Variants in MSANTD5 observed in about 807,000 individuals in gnomAD.
MSANTD5 encodes uncharacterized protein MSANTD5.
At chr5:178,699,937 TTC>T (rs1765458788), upstream of MSANTD5, among the ~76,000 whole-genome samples, 11 of 146,868 alleles carry the variant, frequency 7.5e-5, no homozygotes, top group South Asian at 2.1e-4. Flanking sequence ...TTCTGTGGCT[TTC>T]CAGCACAGAC....
At chr5:178,702,301 C>CTTTT (rs372575693), upstream of MSANTD5, among the ~76,000 whole-genome samples, 3 of 133,370 alleles carry the variant, frequency 2.2e-5, no homozygotes, top group Non-Finnish European at 1.6e-5. Context: ...CTTTTTTTTT[C>CTTTT]TTTTTTTTTT....
At chr5:178,699,808 CT>C (rs1341421564), upstream of MSANTD5, among the ~76,000 whole-genome samples, 1 of 74,942 alleles carries the variant, frequency 1.3e-5, no homozygotes, top group African/African-American at 3.6e-5. Context: ...TGGACAACAG[CT>C]GTTGCATTCT....
At chr5:178,695,528 A>T (rs2113852777) in exon 3 of MSANTD5, 1 of 152,166 alleles carries the variant, frequency 6.6e-6, no homozygotes, top group South Asian at 2.1e-4. Flanking sequence ...TGTACACCTC[A>T]CGTTCAAGAA....
upstream of MSANTD5, among the ~76,000 whole-genome samples, chr5:178,699,282 A>C (rs572814624): frequency 6.6e-6 from 1 of 151,962 alleles, no homozygotes; most frequent in South Asian, 2.1e-4. Context: ...CTCCCATTCA[A>C]CTCATCTTCA....
chr5:178,705,660 A>G, the MSANTD5 span, among the ~76,000 whole-genome samples: 1 of 151,946 alleles, frequency 6.6e-6, no homozygotes, highest in South Asian at 2.1e-4. Context: ...CAACTGCAAA[A>G]TAGGAGGTTG....
At chr5:178,706,516 T>C in the MSANTD5 span, among the ~76,000 whole-genome samples, 3 of 151,968 alleles carry the variant, frequency 2.0e-5, no homozygotes, top group African/African-American at 7.3e-5. Context: ...CCTACTCAAG[T>C]GTTCTCCAGT....
At chr5:178,693,835 T>G (rs1161971082), downstream of MSANTD5, among the ~76,000 whole-genome samples, 1 of 151,978 alleles carries the variant, frequency 6.6e-6, no homozygotes, top group Non-Finnish European at 1.5e-5. Context: ...GTCAGAAAAG[T>G]TCTCCAAGTC....
upstream of MSANTD5, among the ~76,000 whole-genome samples, chr5:178,699,370 C>CT: frequency 6.6e-6 from 1 of 152,210 alleles, no homozygotes; most frequent in Admixed American, 6.5e-5. Flanking sequence ...TTCCTGAATT[C>CT]TTTATCTTCT....
downstream of MSANTD5, among the ~76,000 whole-genome samples, chr5:178,692,117 T>C (rs74982486): frequency 4.1e-4 from 53 of 129,908 alleles, 5 homozygotes; most frequent in African/African-American, 1.3e-3. Flanking sequence ...CTGTGGCTCA[T>C]GCCTGTAATC....
the MSANTD5 span, among the ~76,000 whole-genome samples, chr5:178,704,506 A>G: frequency 6.6e-6 from 1 of 152,050 alleles, no homozygotes; most frequent in Non-Finnish European, 1.5e-5. Flanking sequence ...GGACTTCCCA[A>G]CCTCCGCAAT....
At chr5:178,699,746 A>G (rs761219871), upstream of MSANTD5, among the ~76,000 whole-genome samples, 8 of 152,194 alleles carry the variant, frequency 5.3e-5, no homozygotes, top group Non-Finnish European at 7.3e-5. Flanking sequence ...CCATTAACTG[A>G]CTTTTTATTC....
the MSANTD5 span, chr5:178,707,315 T>C: frequency 1.3e-5 from 2 of 152,106 alleles, no homozygotes; most frequent in African/African-American, 4.8e-5. Context: ...TCAGTGTCAA[T>C]AGGATGGCTA....
chr5:178,697,366 A>G (rs942611501), intron 1 of MSANTD5, among the ~76,000 whole-genome samples: 3 of 152,084 alleles, frequency 2.0e-5, no homozygotes, highest in Non-Finnish European at 4.4e-5. Context: ...AGGCAGGAGA[A>G]TGGCCTGAAC....
upstream of MSANTD5, among the ~76,000 whole-genome samples, chr5:178,702,301 C>CTTTTTTTTTTTTTTT (rs372575693): frequency 3.7e-5 from 5 of 133,390 alleles, no homozygotes; most frequent in East Asian, 2.2e-4. Context: ...CTTTTTTTTT[C>CTTTTTTTTTTTTTTT]TTTTTTTTTT....
At chr5:178,701,979 C>T (rs1021673254), upstream of MSANTD5, among the ~76,000 whole-genome samples, 122 of 150,832 alleles carry the variant, frequency 8.1e-4, no homozygotes, top group African/African-American at 2.8e-3. Flanking sequence ...GTGATCCACC[C>T]GCCTCGGCCT....
chr5:178,693,245 G>A (rs574041022), downstream of MSANTD5, among the ~76,000 whole-genome samples: 7 of 152,112 alleles, frequency 4.6e-5, no homozygotes, highest in South Asian at 4.1e-4. Context: ...CCCAGGTGGC[G>A]GAGGTTATGG....
At chr5:178,702,445 C>T (rs1399163050), upstream of MSANTD5, among the ~76,000 whole-genome samples, 1 of 151,440 alleles carries the variant, frequency 6.6e-6, no homozygotes, top group East Asian at 2.0e-4. Flanking sequence ...GGACTACAGG[C>T]ACCCGCCACC....
chr5:178,693,333 C>T (rs7715476), downstream of MSANTD5, among the ~76,000 whole-genome samples: 64,495 of 151,726 alleles, frequency 0.43, 14,477 homozygotes, highest in Admixed American at 0.54. Flanking sequence ...ATAATGTGTC[C>T]GGAATTTATT....
In MSANTD5 at chr5:178,696,196, A is replaced by G. The variant is rs1209464614; in HGVS notation, c.7-15T>C. 1.3e-5 allele frequency: 2 copies of G among 151,746 alleles called. No homozygotes were observed. The highest frequency in any genetic ancestry group is 2.9e-5 in the Non-Finnish European group (2 of 67,936). 9.4% of individuals were successfully genotyped at this position (151,746 alleles called of 1,614,324 possible). A position where few individuals can be genotyped will look rare whatever the true frequency, so the allele number is the denominator to read the frequency against. ...AGTATTACTATCTAATAAAAAAAAA[A>G]GATAAATACATATTAGAATCTCTCT... On this transcript the variant is annotated splice_polypyrimidine_tract_variant and intron_variant, in intron 1 of 3. Transcript: ENST00000648368.
Sources: gnomAD v4.1 joint callset for allele counts (sites outside exome capture counted in the v4.1 genomes callset) on GRCh38, gnomAD v4.1.1 for gene constraint, MANE v1.5 for transcripts, NCBI Gene and HGNC (gene_info 2026-07-23, HGNC 2026-07-21) for gene names.